UNC13C: variants seen among roughly 807,000 people sequenced by gnomAD.
The protein encoded by UNC13C is unc-13 homolog C, also known as protein unc-13 homolog C.
A neutral mutation model predicts 245.4 loss-of-function variants in UNC13C; 174 were observed. The observed-to-expected ratio is 0.71, with a 90% CI of 0.63 to 0.80. The LOEUF is 0.80. UNC13C is among the 30% of genes least tolerant of loss of function. UNC13C has a pLI of 0.00. For synonymous variants in UNC13C, 992 were observed against 895.1 expected, an observed-to-expected ratio of 1.11 and a Z score of -1.93; for missense variants, 2,829 against 2,602.9, an observed-to-expected ratio of 1.09 and a Z score of -1.89.
At chr15:54,060,687 T>C (rs1319042200) in intron 2 of UNC13C, among the ~76,000 whole-genome samples, 1 of 152,090 alleles carries the variant, frequency 6.6e-6, no homozygotes, top group Non-Finnish European at 1.5e-5. Context: ...ATTGCGGCAC[T>C]ATTCACAATA....
At chr15:54,505,744 CTT>C (rs3083161) in intron 22 of UNC13C, among the ~76,000 whole-genome samples, 9 of 129,794 alleles carry the variant, frequency 6.9e-5, no homozygotes, top group Admixed American at 1.7e-4. Context: ...AAGCTATATT[CTT>C]TTTTTTTTTT....
chr15:54,056,663 T>G (rs1897541723), intron 2 of UNC13C, among the ~76,000 whole-genome samples: 1 of 152,110 alleles, frequency 6.6e-6, no homozygotes, highest in Non-Finnish European at 1.5e-5. Flanking sequence ...AATTGTCAGA[T>G]TCACCAAAGT....
chr15:54,430,062 G>T (rs1360034206), intron 19 of UNC13C, among the ~76,000 whole-genome samples: 1 of 151,572 alleles, frequency 6.6e-6, no homozygotes, highest in Non-Finnish European at 1.5e-5. Flanking sequence ...ATTTTTTACA[G>T]TATTCTATAC....
chr15:54,183,160 G>GTTTTTATTTTGTTATTTT, intron 4 of UNC13C, among the ~76,000 whole-genome samples: 1 of 151,762 alleles, frequency 6.6e-6, no homozygotes, highest in Non-Finnish European at 1.5e-5. Flanking sequence ...ATGGGAAAAT[G>GTTTTTATTTTGTTATTTT]AATATCAAGT....
At chr15:53,990,583 C>G (rs140837229) in intron 1 of UNC13C, among the ~76,000 whole-genome samples, 81 of 152,118 alleles carry the variant, frequency 5.3e-4, no homozygotes, top group African/African-American at 1.9e-3. Flanking sequence ...TTTCCTATCT[C>G]AAACCCCCTT....
At chr15:53,941,127 A>G in the UNC13C span, among the ~76,000 whole-genome samples, 1 of 152,178 alleles carries the variant, frequency 6.6e-6, no homozygotes, top group Non-Finnish European at 1.5e-5. Flanking sequence ...ATGGGACTGA[A>G]TGGAGAACTC....
At chr15:54,167,960 C>G (rs999057443) in intron 4 of UNC13C, among the ~76,000 whole-genome samples, 2 of 152,126 alleles carry the variant, frequency 1.3e-5, no homozygotes, top group Non-Finnish European at 2.9e-5. Flanking sequence ...AAAACTAAAA[C>G]AACATCTAAT....
chr15:53,990,994 C>CTG (rs1231362889), intron 1 of UNC13C, among the ~76,000 whole-genome samples: 6 of 152,078 alleles, frequency 3.9e-5, no homozygotes, highest in Admixed American at 2.0e-4. Context: ...CAGTGGAACA[C>CTG]TGAGAGTGGT....
chr15:54,095,810 T>C (rs1416503038), intron 2 of UNC13C, among the ~76,000 whole-genome samples: 1 of 152,218 alleles, frequency 6.6e-6, no homozygotes, highest in East Asian at 1.9e-4. Context: ...TTCAAAAGGC[T>C]TACTTAGTGT....
intron 28 of UNC13C, among the ~76,000 whole-genome samples, chr15:54,552,592 A>AAT (rs1896833854): frequency 2.1e-5 from 1 of 47,074 alleles, no homozygotes; most frequent in African/African-American, 8.6e-5. Flanking sequence ...TATATTGTAC[A>AAT]ATATATAATA....
At chr15:54,294,610 A>C (rs1401442957) in intron 11 of UNC13C, among the ~76,000 whole-genome samples, 2 of 152,162 alleles carry the variant, frequency 1.3e-5, no homozygotes, top group African/African-American at 4.8e-5. Context: ...TGGAACCAGA[A>C]ATTAAATAAG....
At chr15:54,021,495 A>G (rs2141004329) in intron 2 of UNC13C, among the ~76,000 whole-genome samples, 1 of 152,336 alleles carries the variant, frequency 6.6e-6, no homozygotes, top group African/African-American at 2.4e-5. Context: ...TCCTTCAGTT[A>G]CATCCGTGTT....
At chr15:54,147,074 G>T (rs1313254509) in intron 4 of UNC13C, among the ~76,000 whole-genome samples, 1 of 152,124 alleles carries the variant, frequency 6.6e-6, no homozygotes, top group Non-Finnish European at 1.5e-5. Flanking sequence ...GTAGCCTTGG[G>T]GTGAATGCTG....
At chr15:54,509,858 TTAATG>T (rs751733964) in intron 23 of UNC13C, among the ~76,000 whole-genome samples, 182 of 152,210 alleles carry the variant, frequency 1.2e-3, no homozygotes, top group Non-Finnish European at 1.9e-3. Flanking sequence ...CAGGGAACTC[TTAATG>T]AAAAGGGAGA....
intron 18 of UNC13C, among the ~76,000 whole-genome samples, chr15:54,405,604 A>G (rs1051210686): frequency 6.6e-6 from 1 of 152,164 alleles, no homozygotes; most frequent in African/African-American, 2.4e-5. Flanking sequence ...GTGAAAAAAC[A>G]CTATTATGGA....
At chr15:54,487,828 A>G (rs1893499662) in intron 19 of UNC13C, among the ~76,000 whole-genome samples, 1 of 151,328 alleles carries the variant, frequency 6.6e-6, no homozygotes, top group Non-Finnish European at 1.5e-5. Flanking sequence ...ACCATAATTT[A>G]CAATTGTGAC....
intron 2 of UNC13C, among the ~76,000 whole-genome samples, chr15:54,061,835 G>C (rs113354782): frequency 6.6e-6 from 1 of 152,296 alleles, no homozygotes; most frequent in African/African-American, 2.4e-5. Context: ...TTGAAAACCA[G>C]AAAGAGACTT....
Position 54,563,897 on chromosome 15 carries a change from A to G in UNC13C, c.5959-3903A>G, listed in dbSNP as rs1897396608. On this transcript the variant is annotated intron_variant, in intron 29 of 32. Coordinates refer to ENST00000260323, the MANE Select transcript of UNC13C (RefSeq NM_001080534.3). ...GTAAAATCTCTGAATGCCAAGGTCC[A>G]TGTAATAACTGCAGCCCCCTTTCTC... Among the ~76,000 whole-genome samples, 3 of 152,052 alleles carry G rather than the reference A, an allele frequency of 2.0e-5. No homozygotes were observed. In the South Asian group the frequency reaches 6.2e-4, roughly 31 times the overall value.
chr15:54,347,734 A>G lies in UNC13C; in HGVS notation c.4713+9245A>G, dbSNP rs541028497. Among the ~76,000 whole-genome samples, 31 of 152,252 alleles carry G rather than the reference A, an allele frequency of 2.0e-4. 1 individual carries two copies. The East Asian group carries it at 3.7e-3, about 18-fold the overall frequency. On this transcript the variant is annotated intron_variant, in intron 17 of 32. Transcript: ENST00000260323. ...TGGGAGTTGTATGTAAAATCAGTAG[A>G]AACATATTTCTCTCTTTATTGACTT...
Sources: gnomAD v4.1 joint callset for allele counts (sites outside exome capture counted in the v4.1 genomes callset) on GRCh38, gnomAD v4.1.1 for gene constraint, MANE v1.5 for transcripts, NCBI Gene and HGNC (gene_info 2026-07-23, HGNC 2026-07-21) for gene names.